The following CLINT1 variants were observed in gnomAD, a reference collection of about 807,000 sequenced individuals.
CLINT1 encodes clathrin interacting protein localized in the trans-Golgi region.
In CLINT1, 15 loss-of-function variants were observed where a neutral mutation model predicts 70.4. The observed-to-expected ratio is 0.21, with a 90% CI of 0.14 to 0.33. The LOEUF (loss-of-function observed/expected upper bound fraction) is 0.33. Among genes scored for constraint, CLINT1 ranks in the 10% least tolerant of loss-of-function variants. The probability of loss-of-function intolerance (pLI) is 1.00; values close to 1 mark genes in which losing one functional copy is unlikely to be tolerated. For missense variants in CLINT1, 615 were observed against 778.1 expected (o/e 0.79, Z 2.49); for synonymous variants, 227 against 254.7 (o/e 0.89, Z 1.04).
chr5:157,834,196 T>G (rs906435622), intron 1 of CLINT1, among the ~76,000 whole-genome samples: 1 of 151,490 alleles, frequency 6.6e-6, no homozygotes, highest in African/African-American at 2.4e-5. Flanking sequence ...AAACCCCATC[T>G]CTACTAAAAT....
intron 10 of CLINT1, chr5:157,789,739 C>G (rs1761844653): frequency 1.6e-6 from 1 of 615,570 alleles, no homozygotes; most frequent in East Asian, 2.8e-5. Context: ...TCTGAAGTCC[C>G]AATCAGGTTT....
In CLINT1 at chr5:157,787,784, G is replaced by A. The variant is rs369396378; in HGVS notation, c.1740C>T (p.Asn580=). ...PMMNQSMMGM[N]MNIGMSAAGM... is the part of the protein sequence containing the mutation. ...CAGCAGCGGACATCCCTATGTTCAT[G>A]TTCATGCCCATCATGCTCTGGTTCA... The change falls in exon 12 of 12, where the codon AAC becomes AAT. Residue 580 remains asparagine (N), a synonymous_variant. Coordinates refer to ENST00000411809, the MANE Select transcript of CLINT1 (RefSeq NM_014666.4). 8 of 1,613,866 alleles carry A rather than the reference G, an allele frequency of 5.0e-6. No individual in the cohort carries two copies. The Admixed American group carries it at 5.0e-5, about 10-fold the overall frequency.
intron 1 of CLINT1, among the ~76,000 whole-genome samples, chr5:157,839,634 A>C (rs1581534046): frequency 6.6e-6 from 1 of 151,594 alleles, no homozygotes. Context: ...AACAAAAAAA[A>C]ACAGAACTTT....
Position 157,802,552 on chromosome 5 carries a change from T to G in CLINT1, c.1012+1098A>C, listed in dbSNP as rs968485757. ...TTGCTGTAGCCCTCTCTTTTTTTTTTTTTTTTCCGAGATGGAGTTTTTCAC... is the reference window on the plus strand; with the variant it reads ...TTGCTGTAGCCCTCTCTTTTTTTTTGTTTTTTCCGAGATGGAGTTTTTCAC... On this transcript the variant is annotated intron_variant, in intron 8 of 11. Transcript: ENST00000411809. Among the ~76,000 whole-genome samples, 61 of 151,918 alleles carry G rather than the reference T, an allele frequency of 4.0e-4. 2 individuals are homozygous for G.
At position 157,791,903 on chromosome 5, in the gene CLINT1, C is replaced by T; in HGVS notation, c.1180G>A (p.Gly394Ser). 1 of 1,613,912 alleles carries T rather than the reference C, an allele frequency of 6.2e-7. No homozygotes were observed. The highest frequency in any genetic ancestry group is 8.5e-7 in the Non-Finnish European group (1 of 1,179,862). ...TCTACCGCTGGCTGTGAGGCACTGC[C>T]AAAGAACTCGCCACTGGAAGCAACA... is the stretch of plus-strand genomic sequence containing the variant. ...GPVASSGEFF[G>S]SASQPAVELV... The change falls in exon 10 of 12, where the codon GGC becomes AGC. Residue 394 changes from glycine to serine, a missense_variant. Around this residue, in one of 2 missense-constraint regions of CLINT1, gnomAD observed 374 missense variants for 409.6 expected, o/e 0.91. Transcript: ENST00000411809.
Position 157,786,547 on chromosome 5 carries a change from A to G in CLINT1, c.*1099T>C, listed in dbSNP as rs949585366. The stretch of plus-strand genomic sequence containing the variant: ...GCAGAAAAACAAAAACATTTTCATT[A>G]ATTTCCTTTGTCATTAAATCAATAA... On this transcript the variant is annotated 3_prime_UTR_variant, in exon 12 of 12. Transcript: ENST00000411809. 6.5e-6 allele frequency: 1 copy of G among 152,706 alleles called. No individual in the cohort carries two copies. Among genetic ancestry groups the G allele is most frequent in the Middle Eastern group, 3.4e-3 (1 of 294 alleles). The allele number at this position is 152,706 out of a possible 1,614,324, so 9.5% of individuals were successfully genotyped here.
intron 1 of CLINT1, among the ~76,000 whole-genome samples, chr5:157,830,759 T>TCTCTCTCC (rs1763203850): frequency 4.2e-5 from 2 of 47,566 alleles, no homozygotes; most frequent in South Asian, 7.6e-4. Context: ...TCTCTCTCCC[T>TCTCTCTCC]CTCTCTCTCT....
intron 6 of CLINT1, among the ~76,000 whole-genome samples, chr5:157,806,586 A>C (rs1466709672): frequency 2.0e-5 from 3 of 151,964 alleles, no homozygotes; most frequent in Admixed American, 2.0e-4. Context: ...ATGTGTGTAC[A>C]TAATAAAATA....
intron 1 of CLINT1, among the ~76,000 whole-genome samples, chr5:157,854,445 C>A (rs560946461): frequency 6.6e-6 from 1 of 152,092 alleles, no homozygotes; most frequent in Admixed American, 6.5e-5. Flanking sequence ...AAATTAGCCA[C>A]GCATGGAGGC....
Position 157,822,106 on chromosome 5 carries a change from C to A in CLINT1, c.42-4559G>T, listed in dbSNP as rs1390275682. Reference sequence around the variant, plus strand: ...CATCTTGAATTGTACTCTCATAATTCCCACGTGTTGTGGGAGGGACCTGTT... The same window carrying A: ...CATCTTGAATTGTACTCTCATAATTACCACGTGTTGTGGGAGGGACCTGTT... On this transcript the variant is annotated intron_variant, in intron 1 of 11. Transcript: ENST00000411809. Among the ~76,000 whole-genome samples the A allele has an allele frequency of 3.3e-5, 5 of 152,150 alleles. No homozygotes were observed. In the East Asian group the frequency reaches 9.6e-4, roughly 29 times the overall value.
At chr5:157,832,713 C>A (rs1392748540) in intron 1 of CLINT1, among the ~76,000 whole-genome samples, 2 of 152,208 alleles carry the variant, frequency 1.3e-5, no homozygotes, top group East Asian at 3.9e-4. Context: ...TATCAGTGGA[C>A]AGTACCATCC....
intron 1 of CLINT1, among the ~76,000 whole-genome samples, chr5:157,857,953 T>C (rs1753810354): frequency 6.6e-6 from 1 of 152,342 alleles, no homozygotes; most frequent in Non-Finnish European, 1.5e-5. Flanking sequence ...ACTTATTGCA[T>C]AATCATTAAA....
intron 10 of CLINT1, 46 bp downstream of exon 10, chr5:157,791,657 C>A: frequency 1.3e-6 from 2 of 1,533,286 alleles, no homozygotes; most frequent in Non-Finnish European, 1.8e-6. Flanking sequence ...GTTAGAGCAT[C>A]TCAAAGATTA....
chr5:157,799,413 T>C (rs1422131284), intron 8 of CLINT1, among the ~76,000 whole-genome samples: 3 of 152,130 alleles, frequency 2.0e-5, no homozygotes, highest in Non-Finnish European at 4.4e-5. Context: ...TCGGATTTGA[T>C]ATACCTTAAT....
In CLINT1 at chr5:157,787,475, C is replaced by T. The variant is rs1293460605; in HGVS notation, c.*171G>A. The T allele has an allele frequency of 4.7e-6, 3 of 644,560 alleles. No individual in the cohort carries two copies. Among genetic ancestry groups the T allele is most frequent in the Non-Finnish European group, 7.9e-6 (3 of 377,656 alleles). 39.9% of individuals were successfully genotyped at this position (644,560 alleles called of 1,614,324 possible). On this transcript the variant is annotated 3_prime_UTR_variant, in exon 12 of 12. Transcript: ENST00000411809. The stretch of plus-strand genomic sequence containing the variant: ...TCATCTGAAGTGCTCTTGCCTGGCC[C>T]TCTGAAATACTGGATATTTCACTTT...
intron 1 of CLINT1, chr5:157,823,712 T>A (rs1045506700): frequency 1.4e-6 from 1 of 703,680 alleles, no homozygotes; most frequent in African/African-American, 1.9e-5. Context: ...AGTATAAATC[T>A]TCTTAATAAT....
chr5:157,827,245 T>C (rs1300784447), intron 1 of CLINT1, among the ~76,000 whole-genome samples: 3 of 152,184 alleles, frequency 2.0e-5, no homozygotes, highest in African/African-American at 7.2e-5. Context: ...ACTCCAAGTT[T>C]AGTTTCAAAC....
chr5:157,816,931 ATTAATAAAC>A (rs1762738255), intron 2 of CLINT1, 101 bp from the exon 3 acceptor site: 1 of 803,588 alleles, frequency 1.2e-6, no homozygotes, highest in Non-Finnish European at 1.9e-6. Flanking sequence ...GTTTTTAAAA[ATTAATAAAC>A]TTAATTCAAA....
chr5:157,816,741 A>T lies in CLINT1; in HGVS notation c.236T>A (p.Val79Asp). ...LKDNKKNWRR[V>D]YKSLLLLAYL... ...GCAGACTTGTGTCCATACCTTATAA[A>T]CTCTTCTCCAATTCTTTTTGTTGTC... The change falls in exon 3 of 12, where the codon GTT becomes GAT. Residue 79 changes from valine to aspartate, a missense_variant. By Grantham distance (152) the Val-to-Asp change is radical. Coordinates refer to ENST00000411809, the MANE Select transcript of CLINT1 (RefSeq NM_014666.4). 2 of 1,606,172 alleles carry T rather than the reference A, an allele frequency of 1.2e-6. No individual in the cohort carries two copies. The highest frequency in any genetic ancestry group is 1.7e-6 in the Non-Finnish European group (2 of 1,176,282).
Sources: allele counts gnomAD v4.1 joint callset (sites outside exome capture counted in the v4.1 genomes callset), GRCh38; gene constraint gnomAD v4.1.1; regional missense constraint gnomAD v4.1.1; transcripts MANE v1.5; gene names NCBI Gene and HGNC (gene_info 2026-07-23, HGNC 2026-07-21).